The following CNNM2 variants were observed in gnomAD, a reference collection of about 807,000 sequenced individuals.
The protein encoded by CNNM2 is cyclin and CBS domain divalent metal cation transport mediator 2.
Under a neutral mutation model 66.9 loss-of-function variants are expected in CNNM2, and 12 were observed. That is an observed-to-expected ratio of 0.18 (90% CI 0.11 to 0.29). The LOEUF is 0.29. CNNM2 is among the 10% of genes least tolerant of loss of function. The pLI, the probability that CNNM2 is intolerant of heterozygous loss-of-function variation, is 1.00. For missense variants in CNNM2, 705 were observed against 1,167.7 expected (o/e 0.60, Z 5.77); for synonymous variants, 557 against 501.8 (o/e 1.11, Z -1.47).
At chr10:102,959,327 G>C (rs966553019) in intron 1 of CNNM2, among the ~76,000 whole-genome samples, 1 of 152,190 alleles carries the variant, frequency 6.6e-6, no homozygotes, top group Admixed American at 6.6e-5. Context: ...GCTTTTTGTA[G>C]AAGAGTAAAT....
chr10:102,993,788 A>G (rs1446506079), intron 1 of CNNM2, among the ~76,000 whole-genome samples: 1 of 151,784 alleles, frequency 6.6e-6, no homozygotes, highest in Admixed American at 6.6e-5. Context: ...TTCAGGGTAT[A>G]CTTTTCCTTC....
chr10:102,965,213 C>T (rs760371176), intron 1 of CNNM2, among the ~76,000 whole-genome samples: 2 of 152,190 alleles, frequency 1.3e-5, no homozygotes, highest in African/African-American at 4.8e-5. Flanking sequence ...ACACACAGCT[C>T]TCTATAAATA....
intron 1 of CNNM2, among the ~76,000 whole-genome samples, chr10:102,967,840 CT>C (rs1229946847): frequency 1.3e-5 from 2 of 152,190 alleles, no homozygotes; most frequent in African/African-American, 4.8e-5. Context: ...GAAACCCCGT[CT>C]CTACTAAAAA....
chr10:103,028,829 T>TTTTTTTTTTTTTTTTTC (rs2064764044), intron 1 of CNNM2, among the ~76,000 whole-genome samples: 2 of 19,898 alleles, frequency 1.0e-4, no homozygotes, highest in Non-Finnish European at 2.2e-4. Context: ...TTTTTTTTTC[T>TTTTTTTTTTTTTTTTTC]TTTTTTTTTT....
chr10:103,041,736 G>A (rs1415368181), intron 1 of CNNM2, among the ~76,000 whole-genome samples: 2 of 152,116 alleles, frequency 1.3e-5, no homozygotes, highest in Non-Finnish European at 2.9e-5. Context: ...TGCTATTTGG[G>A]ACAGTTTTTG....
intron 1 of CNNM2, among the ~76,000 whole-genome samples, chr10:103,033,313 C>T (rs933914422): frequency 2.6e-5 from 4 of 151,950 alleles, no homozygotes; most frequent in East Asian, 1.9e-4. Context: ...CTCAGCCTCC[C>T]GAGTAGTTGG....
intron 7 of CNNM2, 85 bp downstream of exon 7, chr10:103,076,355 C>A: frequency 7.6e-7 from 1 of 1,320,172 alleles, no homozygotes; most frequent in Non-Finnish European, 1.1e-6. Flanking sequence ...TCCTTGCCCT[C>A]CTCAGAACTC....
At chr10:103,048,843 AT>A (rs950802904) in intron 1 of CNNM2, among the ~76,000 whole-genome samples, 1 of 152,104 alleles carries the variant, frequency 6.6e-6, no homozygotes, top group African/African-American at 2.4e-5. Context: ...AATGAAATTA[AT>A]GTTTACTGCT....
At chr10:103,070,670 G>A (rs1456009578) in intron 5 of CNNM2, among the ~76,000 whole-genome samples, 1 of 152,228 alleles carries the variant, frequency 6.6e-6, no homozygotes, top group Non-Finnish European at 1.5e-5. Context: ...GTGGTGAGCA[G>A]CCCTCTGAGT....
At chr10:103,007,782 G>A (rs2064256816) in intron 1 of CNNM2, among the ~76,000 whole-genome samples, 1 of 152,134 alleles carries the variant, frequency 6.6e-6, no homozygotes, top group Non-Finnish European at 1.5e-5. Flanking sequence ...CAATCAGTTT[G>A]TACAGTTAGA....
chr10:102,969,039 G>A (rs886338693), intron 1 of CNNM2, among the ~76,000 whole-genome samples: 22 of 149,848 alleles, frequency 1.5e-4, no homozygotes, highest in Admixed American at 3.4e-4. Context: ...TAAACTTTCC[G>A]AGTAGCTGGG....
At chr10:103,000,242 CAAAT>C (rs139250349) in intron 1 of CNNM2, among the ~76,000 whole-genome samples, 9,422 of 146,166 alleles carry the variant, frequency 0.064, 468 homozygotes, top group African/African-American at 0.13. Flanking sequence ...GTCTCAAAAA[CAAAT>C]AAATAAATAA....
Position 103,079,348 on chromosome 10 carries a change from C to T in CNNM2, c.*2168C>T, listed in dbSNP as rs1007583667. The T allele has an allele frequency of 4.6e-5, 7 of 152,322 alleles. No individual in the cohort carries two copies. Among genetic ancestry groups the T allele is most frequent in the Non-Finnish European group, 1.0e-4 (7 of 68,134 alleles). The allele number at this position is 152,322 out of a possible 1,614,324, so 9.4% of individuals were successfully genotyped here. On this transcript the variant is annotated 3_prime_UTR_variant, in exon 8 of 8. Transcript: ENST00000369878. ...CTGAGCTGTGGGGAGCCAAGCCTGC[C>T]TAGCCCAGCTTCTCTGGCCTCAGGA...
intron 1 of CNNM2, among the ~76,000 whole-genome samples, chr10:102,979,345 C>G (rs770545079): frequency 6.6e-6 from 1 of 152,180 alleles, no homozygotes; most frequent in Admixed American, 6.5e-5. Flanking sequence ...CACTTGTCTT[C>G]CTACTTCTCT....
intron 1 of CNNM2, among the ~76,000 whole-genome samples, chr10:103,014,298 A>G (rs2064399968): frequency 6.6e-6 from 1 of 152,218 alleles, no homozygotes; most frequent in Admixed American, 6.5e-5. Context: ...CAGTGATACT[A>G]ACGATGGTGA....
At chr10:103,067,014 TC>T (rs553254623) in intron 4 of CNNM2, among the ~76,000 whole-genome samples, 6 of 152,116 alleles carry the variant, frequency 3.9e-5, no homozygotes, top group Admixed American at 1.3e-4. Flanking sequence ...GTAGTTCTTC[TC>T]CTGAAGCTAT....
At chr10:103,025,082 ATTTT>A (rs1192755060) in intron 1 of CNNM2, among the ~76,000 whole-genome samples, 1 of 151,944 alleles carries the variant, frequency 6.6e-6, no homozygotes, top group Admixed American at 6.6e-5. Context: ...GCTCCGTTCT[ATTTT>A]ATTTATTTTT....
At chr10:103,043,066 A>G (rs1204306401) in intron 1 of CNNM2, among the ~76,000 whole-genome samples, 1 of 152,228 alleles carries the variant, frequency 6.6e-6, no homozygotes, top group Non-Finnish European at 1.5e-5. Flanking sequence ...GCAGCATCTC[A>G]CAACTTCAGG....
intron 1 of CNNM2, among the ~76,000 whole-genome samples, chr10:102,934,539 C>T (rs2134170512): frequency 6.6e-6 from 1 of 152,132 alleles, no homozygotes; most frequent in Non-Finnish European, 1.5e-5. Flanking sequence ...CCTCGGCCTC[C>T]CAAAGTGCTG....
Sources: gnomAD v4.1 joint callset for allele counts (sites outside exome capture counted in the v4.1 genomes callset) on GRCh38, gnomAD v4.1.1 for gene constraint, MANE v1.5 for transcripts, NCBI Gene and HGNC (gene_info 2026-07-23, HGNC 2026-07-21) for gene names.